The following TPX2 variants were observed in gnomAD, a reference collection of about 807,000 sequenced individuals.
TPX2 encodes the protein TPX2 microtubule nucleation factor.
A neutral mutation model predicts 93.6 loss-of-function variants in TPX2; 21 were observed. The observed-to-expected ratio is 0.22, with a 90% CI of 0.16 to 0.32. The LOEUF (loss-of-function observed/expected upper bound fraction) is 0.32, where lower values mean the gene tolerates loss of function less well. Ranked by LOEUF, TPX2 falls within the 10% of genes least tolerant of loss-of-function variation. The pLI, the probability that TPX2 is intolerant of heterozygous loss-of-function variation, is 1.00. For missense variants in TPX2, 776 were observed against 871.1 expected (o/e 0.89, Z 1.37); for synonymous variants, 281 against 298.3 (o/e 0.94, Z 0.60).
At chr20:31,768,345 C>A (rs1226047463) in intron 5 of TPX2, among the ~76,000 whole-genome samples, 4 of 151,750 alleles carry the variant, frequency 2.6e-5, no homozygotes, top group Non-Finnish European at 5.9e-5. Flanking sequence ...AAGTGATTCT[C>A]CTGCCTCAGC....
intron 5 of TPX2, among the ~76,000 whole-genome samples, chr20:31,768,264 T>C (rs2061941652): frequency 7.3e-6 from 1 of 137,666 alleles, no homozygotes; most frequent in African/African-American, 2.8e-5. Context: ...TTCAGACGAG[T>C]CTCGCTCTGT....
At chr20:31,783,587 C>T in intron 11 of TPX2, 118 bp from the exon 12 acceptor site, 1 of 974,846 alleles carries the variant, frequency 1.0e-6, no homozygotes. Flanking sequence ...ATTCTGTTGT[C>T]CAGTCAATGG....
intron 5 of TPX2, among the ~76,000 whole-genome samples, chr20:31,768,565 A>G (rs1364297253): frequency 6.6e-6 from 1 of 152,134 alleles, no homozygotes; most frequent in Non-Finnish European, 1.5e-5. Context: ...CTTAAACAGG[A>G]CACACACAGA....
intron 4 of TPX2, among the ~76,000 whole-genome samples, chr20:31,761,683 A>G (rs58786529): frequency 6.6e-6 from 1 of 152,096 alleles, no homozygotes; most frequent in Admixed American, 6.5e-5. Context: ...CCATATCTTG[A>G]CTATTGTGAA....
chr20:31,750,452 C>CTATTTATT (rs60982252), intron 2 of TPX2, among the ~76,000 whole-genome samples: 259 of 146,772 alleles, frequency 1.8e-3, no homozygotes, highest in East Asian at 3.6e-3. Flanking sequence ...CCGTGCCCGG[C>CTATTTATT]TATTTATTTA....
At chr20:31,800,240 A>G (rs955049044) in intron 17 of TPX2, among the ~76,000 whole-genome samples, 1 of 152,172 alleles carries the variant, frequency 6.6e-6, no homozygotes, top group Non-Finnish European at 1.5e-5. Context: ...AGTGAATGAG[A>G]AAATAGTATA....
intron 12 of TPX2, 66 bp from the exon 13 acceptor site, chr20:31,792,669 A>G (rs2062109339): frequency 7.0e-7 from 1 of 1,436,154 alleles, no homozygotes; most frequent in South Asian, 1.1e-5. Flanking sequence ...AAAAGGATTT[A>G]ATCTTCTCAT....
rs1364998345 is a variant in TPX2 at position 31,770,411 on chromosome 20, C to T, written c.425C>T (p.Ala142Val). 3.1e-6 allele frequency: 5 copies of T among 1,605,494 alleles called. No homozygotes were observed. Among genetic ancestry groups the T allele is most frequent in the African/African-American group, 2.7e-5 (2 of 74,626 alleles). ...GAAAAGCATCATGTAAAAATGAAAG[C>T]CAAGAGATGTGCCACTCCTGTAATC... ...QKEKHHVKMKAKRCATPVIID... is the reference protein window; with the variant it reads ...QKEKHHVKMKVKRCATPVIID... The change falls in exon 6 of 18, where the codon GCC becomes GTC. Residue 142 changes from alanine (A) to valine (V), a missense_variant. Coordinates refer to ENST00000300403, the MANE Select transcript of TPX2 (RefSeq NM_012112.5).
chr20:31,798,215 T>G, intron 16 of TPX2, 150 bp from the exon 17 acceptor site: 8 of 928,636 alleles, frequency 8.6e-6, no homozygotes, highest in Non-Finnish European at 1.3e-5. Context: ...CTTTTTGTAT[T>G]TAGTTGGCTC....
intron 17 of TPX2, 55 bp downstream of exon 17, chr20:31,798,607 CTGTACCTTACCT>C: frequency 6.6e-7 from 1 of 1,506,366 alleles, no homozygotes; most frequent in Non-Finnish European, 8.9e-7. Flanking sequence ...TTTATTTTAC[CTGTACCTTACCT>C]TGTACCAGAC....
intron 2 of TPX2, among the ~76,000 whole-genome samples, chr20:31,747,621 G>C (rs143558709): frequency 3.9e-4 from 60 of 152,204 alleles, no homozygotes; most frequent in Admixed American, 2.6e-3. Context: ...TAGGAATATT[G>C]GTCATTAATA....
Position 31,782,307 on chromosome 20 carries a change from A to G in TPX2, c.1113A>G (p.Val371=). The change falls in exon 11 of 18, where the codon GTA becomes GTG. Residue 371 remains valine, a synonymous_variant. Coordinates refer to ENST00000300403, the MANE Select transcript of TPX2 (RefSeq NM_012112.5). ...TTTGCAGAGACCCACAGACTCCTGT[A>G]CTGCAAACCAAACACCGTGCACGGG... is the stretch of plus-strand genomic sequence containing the variant. ...TKICRDPQTP[V]LQTKHRARAV... 6.2e-7 allele frequency: 1 copy of G among 1,614,052 alleles called. No individual in the cohort carries two copies. The highest frequency in any genetic ancestry group is 8.5e-7 in the Non-Finnish European group (1 of 1,179,984).
intron 4 of TPX2, among the ~76,000 whole-genome samples, chr20:31,766,179 A>G (rs1049415953): frequency 4.6e-5 from 7 of 152,000 alleles, no homozygotes; most frequent in Non-Finnish European, 7.4e-5. Context: ...TTCTATTTTT[A>G]TGTATTGCTG....
At chr20:31,788,883 A>G (rs1313396767) in intron 12 of TPX2, among the ~76,000 whole-genome samples, 3 of 152,152 alleles carry the variant, frequency 2.0e-5, no homozygotes, top group Non-Finnish European at 2.9e-5. Flanking sequence ...TTTTTAAAAT[A>G]TATATACTTC....
rs191609134 is a variant in TPX2, at chr20:31,749,624, C to T, written c.-71+6977C>T. On this transcript the variant is annotated intron_variant, in intron 2 of 17. Transcript: ENST00000300403. ...CAGCCTGGCCAACATGGTGAAACCC[C>T]GTCTACTAAAAATACAAAAAATTAG... Among the ~76,000 whole-genome samples the T allele has an allele frequency of 4.0e-5, 6 of 151,584 alleles. No homozygotes were observed. In the East Asian group the frequency reaches 9.9e-4, roughly 25 times the overall value.
chr20:31,778,904 T>C lies in TPX2; in HGVS notation c.974T>C (p.Val325Ala), dbSNP rs1161848033. Residue 325 changes from valine (V) to alanine (A), a missense_variant, in exon 10 of 18, where the codon GTG (valine) becomes GCG (alanine). Val to Ala is a moderately conservative substitution (Grantham distance 64). Transcript: ENST00000300403. The stretch of plus-strand genomic sequence containing the variant: ...TTTGATGAAACAGTTTCTACATATG[T>C]GCCCCTTGCACAGCAAGTTGAAGAC... ...RTFDETVSTY[V>A]PLAQQVEDFH... 6.2e-7 allele frequency: 1 copy of C among 1,612,774 alleles called. No homozygotes were observed. The highest frequency in any genetic ancestry group is 1.1e-5 in the South Asian group (1 of 90,782).
At chr20:31,797,637 G>A in intron 16 of TPX2, 122 bp downstream of exon 16, 1 of 888,366 alleles carries the variant, frequency 1.1e-6, no homozygotes. Context: ...TTAGCAGATG[G>A]TAGCTTTTCT....
At chr20:31,793,802 GGA>G (rs2062117670) in intron 13 of TPX2, 44 bp from the exon 14 acceptor site, 1 of 1,489,962 alleles carries the variant, frequency 6.7e-7, no homozygotes, top group Non-Finnish European at 9.0e-7. Context: ...TGGGGAAGTT[GGA>G]GAGAGTGAGG....
At position 31,793,856 on chromosome 20, in the gene TPX2, C is replaced by T. The variant is rs759746158; in HGVS notation, c.1518C>T (p.Asp506=). 7.6e-6 allele frequency: 12 copies of T among 1,583,684 alleles called. No individual in the cohort carries two copies. Among genetic ancestry groups the T allele is most frequent in the Admixed American group, 3.7e-5 (2 of 54,174 alleles). ...RMPTKEDEEE[D]EPVVIKAQPV... ...TGCAATTTTTTCCCTAGGAAGAGGACGAACCGGTAGTGATAAAAGCTCAAC... is the reference window on the plus strand; with the variant it reads ...TGCAATTTTTTCCCTAGGAAGAGGATGAACCGGTAGTGATAAAAGCTCAAC... The change falls in exon 14 of 18, where the codon GAC becomes GAT. Residue 506 remains aspartate (D), a synonymous_variant. Coordinates refer to ENST00000300403, the MANE Select transcript of TPX2 (RefSeq NM_012112.5).
Sources: allele counts gnomAD v4.1 joint callset (sites outside exome capture counted in the v4.1 genomes callset), GRCh38; gene constraint gnomAD v4.1.1; transcripts MANE v1.5; gene names NCBI Gene and HGNC (gene_info 2026-07-23, HGNC 2026-07-21).